The following SNRPN variants were observed in gnomAD, a reference collection of about 807,000 sequenced individuals.
SNRPN encodes small nuclear ribonucleoprotein polypeptide N.
In SNRPN, 7 loss-of-function variants were observed where a neutral mutation model predicts 25.2. That is an observed-to-expected ratio of 0.28 (90% CI 0.16 to 0.52). SNRPN has a LOEUF of 0.52. Ranked by LOEUF, SNRPN falls within the 20% of genes least tolerant of loss-of-function variation. SNRPN has a pLI of 0.96. For missense variants in SNRPN, 196 were observed against 322.5 expected (o/e 0.61, Z 3.00); for synonymous variants, 124 against 110.6 (o/e 1.12, Z -0.76).
chr15:24,867,376 G>GT (rs1417168109), intron 1 of SNRPN, among the ~76,000 whole-genome samples: 263 of 131,334 alleles, frequency 2.0e-3, no homozygotes, highest in Admixed American at 2.0e-3. Flanking sequence ...ATTTAAATAA[G>GT]TTTTTTTTTT....
At chr15:24,955,152 T>C in intron 1 of SNRPN, 90 bp downstream of exon 1, 1 of 1,563,844 alleles carries the variant, frequency 6.4e-7, no homozygotes, top group Middle Eastern at 1.9e-4. Flanking sequence ...GGACTTGGAG[T>C]ACTGAATAAA....
rs535204979 is a variant in SNRPN, at chr15:24,904,500, C to T, written c.-504-15511C>T. Among the ~76,000 whole-genome samples, 92 of 152,106 alleles carry T rather than the reference C, an allele frequency of 6.0e-4. 1 individual carries two copies. The highest frequency in any genetic ancestry group is 1.7e-3 in the African/African-American group (72 of 41,494). On this transcript the variant is annotated intron_variant, in intron 2 of 11. Coordinates refer to the SNRPN transcript ENST00000400097. ...TGAAACCCCGTCTCTACTAAAAATA[C>T]AAAAATTAGCTAGGCATGGTGCCGC...
chr15:24,941,767 TTTTATTTATTTA>T (rs571831024), intron 3 of SNRPN, among the ~76,000 whole-genome samples: 2 of 151,656 alleles, frequency 1.3e-5, no homozygotes, highest in Non-Finnish European at 2.9e-5. Flanking sequence ...AGTTTTTTGT[TTTTATTTATTTA>T]TTTATTTATT....
At chr15:24,883,256 T>G (rs1401900007) in intron 1 of SNRPN, among the ~76,000 whole-genome samples, 2 of 152,228 alleles carry the variant, frequency 1.3e-5, no homozygotes, top group Non-Finnish European at 2.9e-5. Flanking sequence ...CCTTGGATGG[T>G]CTGCGGTGGG....
At chr15:24,863,486 C>T (rs558380253) in intron 1 of SNRPN, among the ~76,000 whole-genome samples, 6 of 150,502 alleles carry the variant, frequency 4.0e-5, no homozygotes, top group South Asian at 2.1e-4. Context: ...CGTGTCCTCT[C>T]GGTGTGCTGA....
intron 3 of SNRPN, among the ~76,000 whole-genome samples, chr15:24,921,804 A>AATTAAATAC: frequency 6.6e-6 from 1 of 152,160 alleles, no homozygotes; most frequent in Non-Finnish European, 1.5e-5. Flanking sequence ...ACAGCAGAGG[A>AATTAAATAC]TGTAAGTTAC....
chr15:24,918,793 CAT>C (rs71922464), intron 2 of SNRPN, among the ~76,000 whole-genome samples: 1,565 of 11,308 alleles, frequency 0.14, 490 homozygotes, highest in South Asian at 0.48. Flanking sequence ...TATATGTGTG[CAT>C]ATATATATAT....
chr15:24,968,420 T>C (rs1425804618), intron 3 of SNRPN: 2 of 187,576 alleles, frequency 1.1e-5, no homozygotes, highest in African/African-American at 4.8e-5. Context: ...CATTTTTTTC[T>C]GCCAGTAGTT....
rs538752202 is a variant in SNRPN at position 24,977,259 on chromosome 15, T to A, written c.420+230T>A. 9.9e-5 allele frequency among the ~76,000 whole-genome samples: 15 copies of A among 152,220 alleles called. No homozygotes were observed. The East Asian group carries it at 2.7e-3, about 27-fold the overall frequency. On this transcript the variant is annotated intron_variant, in intron 7 of 9. Coordinates refer to ENST00000390687, the MANE Select transcript of SNRPN (RefSeq NM_003097.6). ...CTTGGCAAGAGTAACTTGCCACTAG[T>A]GGTGAGTGAACAGAATGCATGGATA...
chr15:24,914,098 T>C (rs1080859), intron 2 of SNRPN, among the ~76,000 whole-genome samples: 37,152 of 151,766 alleles, frequency 0.24, 4,855 homozygotes, highest in Middle Eastern at 0.3. Flanking sequence ...GTGTGGAGAG[T>C]GGGGAGGGAG....
rs189348210 is a variant in SNRPN at position 24,885,187 on chromosome 15, T to G, written c.-578-1329T>G. Among the ~76,000 whole-genome samples the G allele has an allele frequency of 2.0e-3, 312 of 152,338 alleles. 2 individuals carry two copies. Among genetic ancestry groups the G allele is most frequent in the Non-Finnish European group, 3.7e-3 (252 of 68,020 alleles). Reference sequence around the variant, plus strand: ...GGTATTGGGACATCTGGATTTTGTGTTGTTGTAGGAGTGTATCCTTGCACC... The same window carrying G: ...GGTATTGGGACATCTGGATTTTGTGGTGTTGTAGGAGTGTATCCTTGCACC... On this transcript the variant is annotated intron_variant, in intron 1 of 11. Transcript: ENST00000400097.
intron 3 of SNRPN, among the ~76,000 whole-genome samples, chr15:24,944,291 C>T (rs2061746131): frequency 6.6e-6 from 1 of 152,156 alleles, no homozygotes; most frequent in Admixed American, 6.5e-5. Flanking sequence ...AGCTAATTTT[C>T]CCCCTACTTT....
upstream of SNRPN, among the ~76,000 whole-genome samples, chr15:24,952,290 C>T (rs1384185012): frequency 6.6e-6 from 1 of 152,080 alleles, no homozygotes; most frequent in East Asian, 1.9e-4. Flanking sequence ...TTTGTCTATT[C>T]TGTACAGAAT....
chr15:24,854,398 C>T (rs2053187933), upstream of SNRPN, among the ~76,000 whole-genome samples: 1 of 152,146 alleles, frequency 6.6e-6, no homozygotes, highest in Admixed American at 6.5e-5. Context: ...AGATCACCCT[C>T]TATATGATAA....
At chr15:24,933,367 C>T (rs2061008287) in intron 3 of SNRPN, among the ~76,000 whole-genome samples, 1 of 151,752 alleles carries the variant, frequency 6.6e-6, no homozygotes, top group African/African-American at 2.4e-5. Flanking sequence ...ATCAGACATA[C>T]CTGATATCTA....
chr15:24,892,936 T>G (rs2150737727), intron 2 of SNRPN, among the ~76,000 whole-genome samples: 1 of 152,112 alleles, frequency 6.6e-6, no homozygotes, highest in African/African-American at 2.4e-5. Flanking sequence ...TGGCTGGGTG[T>G]GGTGGCTTAT....
intron 1 of SNRPN, among the ~76,000 whole-genome samples, chr15:24,956,267 T>G (rs1488130686): frequency 1.3e-5 from 2 of 150,066 alleles, no homozygotes; most frequent in Admixed American, 6.7e-5. Context: ...CGAAATAACC[T>G]GGGGGTCTGT....
At chr15:24,886,765 C>A (rs995501462) in intron 2 of SNRPN, among the ~76,000 whole-genome samples, 6 of 152,208 alleles carry the variant, frequency 3.9e-5, no homozygotes, top group African/African-American at 1.4e-4. Flanking sequence ...TGACTTTGAG[C>A]AGAGTTGCAC....
chr15:24,846,135 T>G (rs1441450225), intron 2 of SNRPN, among the ~76,000 whole-genome samples: 1 of 152,162 alleles, frequency 6.6e-6, no homozygotes, highest in Non-Finnish European at 1.5e-5. Context: ...TCCATTAAAT[T>G]GGTATATCTT....
Sources: allele counts gnomAD v4.1 joint callset (sites outside exome capture counted in the v4.1 genomes callset), GRCh38; gene constraint gnomAD v4.1.1; transcripts MANE v1.5; gene names NCBI Gene and HGNC (gene_info 2026-07-23, HGNC 2026-07-21).